Variants in PRSS23 observed in about 807,000 individuals in gnomAD.
PRSS23 encodes serine protease 23.
Under a neutral mutation model 34.7 loss-of-function variants are expected in PRSS23, and 25 were observed. The observed-to-expected ratio is 0.72, with a 90% CI of 0.53 to 1.01. PRSS23 has a LOEUF of 1.01. PRSS23 is among the 50% of genes least tolerant of loss of function. The pLI, the probability that PRSS23 is intolerant of heterozygous loss-of-function variation, is 0.00. For synonymous variants in PRSS23, 176 were observed against 186.6 expected (o/e 0.94, Z 0.46); for missense variants, 445 against 475.6 (o/e 0.94, Z 0.60).
rs1258291776 is a variant in PRSS23, at chr11:86,850,270, C to T, written c.206+26677C>T. On this transcript the variant is annotated intron_variant, in intron 2 of 2. Transcript: ENST00000533902. Reference sequence around the variant, plus strand: ...TCTAGTGAGAAACCCTGGAATGACCCGTTGGTCCCTCATTAGCCTAGAAAG... The same window carrying T: ...TCTAGTGAGAAACCCTGGAATGACCTGTTGGTCCCTCATTAGCCTAGAAAG... Among the ~76,000 whole-genome samples the T allele has an allele frequency of 6.6e-5, 10 of 152,158 alleles. No homozygotes were observed. In the South Asian group the frequency reaches 1.0e-3, roughly 16 times the overall value.
intron 1 of PRSS23, among the ~76,000 whole-genome samples, chr11:86,822,066 A>T (rs1948256263): frequency 6.6e-6 from 1 of 152,188 alleles, no homozygotes; most frequent in South Asian, 2.1e-4. Context: ...ATAACTAGAG[A>T]TAATGAATAT....
At chr11:86,879,376 C>T (rs538846527) in intron 2 of PRSS23, among the ~76,000 whole-genome samples, 2,321 of 147,002 alleles carry the variant, frequency 0.016, 18 homozygotes, top group Middle Eastern at 0.028. Flanking sequence ...GTGAGGAGCC[C>T]CTCCGCCCGG....
intron 1 of PRSS23, among the ~76,000 whole-genome samples, chr11:86,792,479 C>T (rs1224132966): frequency 6.6e-6 from 1 of 152,164 alleles, no homozygotes; most frequent in Non-Finnish European, 1.5e-5. Flanking sequence ...TAAGTAGCCA[C>T]TTCATTAAAG....
rs5793226 is a variant in PRSS23, at chr11:86,925,295, AGTGTGT to A, written c.207-25890_207-25885del. 1.5e-3 allele frequency among the ~76,000 whole-genome samples: 223 copies of A among 149,000 alleles called. 1 individual carries two copies. Among genetic ancestry groups the A allele is most frequent in the African/African-American group, 4.7e-3 (192 of 40,464 alleles). ...CATTGAAAATTAACTGTTTAACTGGAGTGTGTGTGTGTGTGTGTGTGTGTGTGTGTG... is the reference window on the plus strand; with the variant it reads ...CATTGAAAATTAACTGTTTAACTGGAGTGTGTGTGTGTGTGTGTGTGTGTG... On this transcript the variant is annotated intron_variant, in intron 2 of 2. Coordinates refer to the PRSS23 transcript ENST00000533902.
chr11:86,925,175 A>C (rs1267688904), intron 2 of PRSS23: 1 of 152,166 alleles, frequency 6.6e-6, no homozygotes, highest in Non-Finnish European at 1.5e-5. Flanking sequence ...GACCCAGATT[A>C]AATTTCTCTT....
At chr11:86,832,320 A>G (rs1160198687) in intron 2 of PRSS23, among the ~76,000 whole-genome samples, 2 of 152,096 alleles carry the variant, frequency 1.3e-5, no homozygotes, top group East Asian at 1.9e-4. Flanking sequence ...ATTTTTCACA[A>G]TATTTTAGGG....
At chr11:86,883,309 G>A (rs144207557) in intron 2 of PRSS23, among the ~76,000 whole-genome samples, 5,705 of 152,272 alleles carry the variant, frequency 0.037, 142 homozygotes, top group Middle Eastern at 0.12. Flanking sequence ...TAGGCCAATG[G>A]AACAGAATAG....
At chr11:86,834,689 GATGTTT>G (rs1478075304) in intron 2 of PRSS23, among the ~76,000 whole-genome samples, 2 of 151,216 alleles carry the variant, frequency 1.3e-5, no homozygotes, top group Non-Finnish European at 2.9e-5. Flanking sequence ...ATGGCTTCCT[GATGTTT>G]GATAGGTGTT....
chr11:86,791,145 T>C (rs1306264096), exon 1 of PRSS23: 1 of 152,312 alleles, frequency 6.6e-6, no homozygotes, highest in Non-Finnish European at 1.5e-5. Context: ...AGAGCTGCAG[T>C]GGAGGGTACC....
intron 2 of PRSS23, among the ~76,000 whole-genome samples, chr11:86,876,042 G>A (rs550901807): frequency 3.9e-5 from 6 of 152,296 alleles, no homozygotes; most frequent in Admixed American, 6.5e-5. Context: ...CTAGGTAGAC[G>A]TGTACAAGTC....
At chr11:86,849,663 A>G (rs1267622715) in intron 2 of PRSS23, among the ~76,000 whole-genome samples, 1 of 152,208 alleles carries the variant, frequency 6.6e-6, no homozygotes, top group Non-Finnish European at 1.5e-5. Context: ...GAATTACAAA[A>G]ACCAAATAGT....
At chr11:86,879,773 G>T (rs1203457018) in intron 2 of PRSS23, among the ~76,000 whole-genome samples, 11 of 113,628 alleles carry the variant, frequency 9.7e-5, no homozygotes, top group Admixed American at 7.6e-4. Context: ...GAGGGAGGTG[G>T]GGGGGTCAGC....
chr11:86,870,675 T>C (rs1463385888), intron 2 of PRSS23, among the ~76,000 whole-genome samples: 1 of 152,258 alleles, frequency 6.6e-6, no homozygotes, highest in Non-Finnish European at 1.5e-5. Flanking sequence ...GATATGATTC[T>C]GTTTATTTAT....
intron 2 of PRSS23, among the ~76,000 whole-genome samples, chr11:86,869,570 C>G (rs1211283945): frequency 6.6e-6 from 1 of 151,998 alleles, no homozygotes; most frequent in African/African-American, 2.4e-5. Context: ...AAGGGCTTGA[C>G]TGTTTGGGGA....
At chr11:86,814,593 G>A (rs910759509), downstream of PRSS23, among the ~76,000 whole-genome samples, 1 of 152,180 alleles carries the variant, frequency 6.6e-6, no homozygotes, top group African/African-American at 2.4e-5. Flanking sequence ...AGACCAGAGA[G>A]GAGTCTGTCT....
At chr11:86,864,462 C>T (rs905813530) in intron 2 of PRSS23, among the ~76,000 whole-genome samples, 3 of 152,218 alleles carry the variant, frequency 2.0e-5, no homozygotes, top group African/African-American at 7.2e-5. Flanking sequence ...GAAGCATGGC[C>T]AGTGGTGGCC....
intron 2 of PRSS23, among the ~76,000 whole-genome samples, chr11:86,861,673 T>G (rs1316022109): frequency 6.6e-6 from 1 of 151,488 alleles, no homozygotes; most frequent in Non-Finnish European, 1.5e-5. Context: ...CCCTATGATA[T>G]TTTTATTCTA....
intron 2 of PRSS23, among the ~76,000 whole-genome samples, chr11:86,827,623 G>A (rs1316777362): frequency 6.6e-6 from 1 of 151,816 alleles, no homozygotes; most frequent in Non-Finnish European, 1.5e-5. Flanking sequence ...TTTCTCTTGT[G>A]GGCATTTAGT....
chr11:86,837,978 G>T (rs1948419503), intron 2 of PRSS23, among the ~76,000 whole-genome samples: 1 of 152,088 alleles, frequency 6.6e-6, no homozygotes, highest in African/African-American at 2.4e-5. Context: ...GTAGGGCAGG[G>T]TGTCACCTCA....
Sources: allele counts gnomAD v4.1 joint callset (sites outside exome capture counted in the v4.1 genomes callset), GRCh38; gene constraint gnomAD v4.1.1; transcripts MANE v1.5; gene names NCBI Gene and HGNC (gene_info 2026-07-23, HGNC 2026-07-21).